The following STC2 variants were observed in gnomAD, a reference collection of about 807,000 sequenced individuals.
The protein encoded by STC2 is stanniocalcin 2, also known as stanniocalcin-2.
A neutral mutation model predicts 22.7 loss-of-function variants in STC2; 7 were observed. The ratio of observed to expected loss-of-function variants is 0.31; its 90% CI spans 0.18 to 0.58. The LOEUF is 0.58. STC2 is among the 20% of genes least tolerant of loss of function. The probability of loss-of-function intolerance (pLI) is 0.89; values close to 1 mark genes in which losing one functional copy is unlikely to be tolerated. For missense variants in STC2, 336 were observed against 406.2 expected (o/e 0.83, Z 1.48); for synonymous variants, 158 against 163.4 (o/e 0.97, Z 0.25).
chr5:173,318,739 T>C (rs1303435224), intron 3 of STC2, among the ~76,000 whole-genome samples: 1 of 152,100 alleles, frequency 6.6e-6, no homozygotes, highest in South Asian at 2.1e-4. Flanking sequence ...ACCATGAAGG[T>C]TTAGGACCAC....
chr5:173,323,899 C>G lies in STC2; in HGVS notation c.295-469G>C, dbSNP rs1173738538. 8.5e-6 allele frequency: 1 copy of G among 117,780 alleles called. No individual in the cohort carries two copies. Among genetic ancestry groups the G allele is most frequent in the African/African-American group, 3.2e-5 (1 of 30,796 alleles). The allele number at this position is 117,780 out of a possible 1,614,324, so 7.3% of individuals were successfully genotyped here. A position where few individuals can be genotyped will look rare whatever the true frequency, so the allele number is the denominator to read the frequency against. On this transcript the variant is annotated intron_variant, in intron 2 of 3. Coordinates refer to ENST00000265087, the MANE Select transcript of STC2 (RefSeq NM_003714.3). The surrounding 1 kb of genome is among the most constrained non-coding windows in gnomAD (Gnocchi z 5.4). Reference sequence around the variant, plus strand: ...CCAAATCTCACACGTTTCCTTTTTCCCTTGATTCCAGGGGCGACACCGAGA... The same window carrying G: ...CCAAATCTCACACGTTTCCTTTTTCGCTTGATTCCAGGGGCGACACCGAGA...
rs751515997 is a variant in STC2, at chr5:173,323,062, C to A, written c.506+157G>T. 7.7e-5 allele frequency: 52 copies of A among 679,210 alleles called. No homozygotes were observed. The highest frequency in any genetic ancestry group is 1.4e-4 in the Admixed American group (5 of 36,564). 42.1% of individuals were successfully genotyped at this position (679,210 alleles called of 1,614,324 possible). A position where few individuals can be genotyped will look rare whatever the true frequency, so the allele number is the denominator to read the frequency against. ...TCCTAAAAGCCAGCAGGAAAGGGGCCTTTTAGTAGAGTCAGTGTAGCTTTC... is the reference window on the plus strand; with the variant it reads ...TCCTAAAAGCCAGCAGGAAAGGGGCATTTTAGTAGAGTCAGTGTAGCTTTC... On this transcript the variant is annotated intron_variant, in intron 3 of 3. Transcript: ENST00000265087. The surrounding 1 kb of genome is among the most constrained non-coding windows in gnomAD (Gnocchi z 5.4).
intron 1 of STC2, among the ~76,000 whole-genome samples, chr5:173,327,724 C>T (rs1762567944): frequency 6.6e-6 from 1 of 152,222 alleles, no homozygotes; most frequent in East Asian, 1.9e-4. Flanking sequence ...CGCTTTGCAC[C>T]GGACCCGGGA....
At chr5:173,322,915 G>C in intron 3 of STC2, 1 of 409,344 alleles carries the variant, frequency 2.4e-6, no homozygotes, top group Non-Finnish European at 4.6e-6. Flanking sequence ...CTGAGAGCTA[G>C]TGGGTTCTTG....
chr5:173,323,224 C>T lies in STC2; in HGVS notation c.501G>A (p.Leu167=). The part of the protein sequence containing the change: ...VEMIHFKDLL[L]HEPYVDLVNL... ...CTCTGCGGGGCAGTACTCACTCGTG[C>T]AGCAGCAAGTCCTTGAAATGGATCA... The change falls in exon 3 of 4, where the codon CTG becomes CTA. Residue 167 remains leucine, a synonymous_variant. Coordinates refer to ENST00000265087, the MANE Select transcript of STC2 (RefSeq NM_003714.3). This position sits in a 1 kb window ranked among gnomAD's most constrained non-coding sequence, Gnocchi z 5.4. 2 of 1,614,190 alleles carry T rather than the reference C, an allele frequency of 1.2e-6. No individual in the cohort carries two copies. The highest frequency in any genetic ancestry group is 1.7e-6 in the Non-Finnish European group (2 of 1,180,038).
intron 3 of STC2, among the ~76,000 whole-genome samples, chr5:173,320,723 T>G (rs1345969869): frequency 7.2e-6 from 1 of 138,070 alleles, no homozygotes; most frequent in Non-Finnish European, 1.6e-5. Context: ...TGGATGGGGG[T>G]TGGGTTGAAG....
chr5:173,320,981 G>C (rs1338934264), intron 3 of STC2, among the ~76,000 whole-genome samples: 1 of 152,124 alleles, frequency 6.6e-6, no homozygotes, highest in African/African-American at 2.4e-5. Flanking sequence ...CAGAAGGAAA[G>C]GTAATGGGGG....
At position 173,328,218 on chromosome 5, in the gene STC2, G is replaced by A. The variant is rs367684710; in HGVS notation, c.-25C>T. On this transcript the variant is annotated 5_prime_UTR_variant, in exon 1 of 4. Coordinates refer to ENST00000265087, the MANE Select transcript of STC2 (RefSeq NM_003714.3). ...TGGTTCTTGGTATTAACCTCCCGTCGGGAGACCTGGATCCTTTGTGCTCCC... is the reference window on the plus strand; with the variant it reads ...TGGTTCTTGGTATTAACCTCCCGTCAGGAGACCTGGATCCTTTGTGCTCCC... The A allele has an allele frequency of 2.1e-6, 3 of 1,435,312 alleles. No individual in the cohort carries two copies. The highest frequency in any genetic ancestry group is 1.9e-4 in the Middle Eastern group (1 of 5,402). 88.9% of individuals were successfully genotyped at this position (1,435,312 alleles called of 1,614,324 possible). A position where few individuals can be genotyped will look rare whatever the true frequency, so the allele number is the denominator to read the frequency against.
rs1255590487 is a variant in STC2 at position 173,315,179 on chromosome 5, G to A, written c.*2668C>T. ...TCCTTCCTCAAAGGAAGGCTCATGA[G>A]TAAATTTGTATGCAGTATAAAGCCC... On this transcript the variant is annotated 3_prime_UTR_variant, in exon 4 of 4. Coordinates refer to ENST00000265087, the MANE Select transcript of STC2 (RefSeq NM_003714.3). 6.6e-6 allele frequency: 1 copy of A among 152,198 alleles called. No homozygotes were observed. Among genetic ancestry groups the A allele is most frequent in the Non-Finnish European group, 1.5e-5 (1 of 68,038 alleles). 9.4% of individuals were successfully genotyped at this position (152,198 alleles called of 1,614,324 possible).
Position 173,325,888 on chromosome 5 carries a change from C to T in STC2, c.274G>A (p.Ala92Thr), listed in dbSNP as rs1391631792. Residue 92 changes from alanine (A) to threonine (T), a missense_variant, in exon 2 of 4, where the codon GCT (alanine) becomes ACT (threonine). Ala to Thr is a moderately conservative substitution (Grantham distance 58). This residue lies in a region of STC2 where 99 missense variants were observed against 122.7 expected (regional missense o/e 0.81). Transcript: ENST00000265087. The surrounding 1 kb of genome is among the most constrained non-coding windows in gnomAD (Gnocchi z 4.7). ...TTTACCTGGGCATCAAATTTTCCAG[C>T]GTTGTGCAGAAAAGTCATGCAAATC... ...HGICMTFLHNAGKFDAQGKSF... is the reference protein window; with the variant it reads ...HGICMTFLHNTGKFDAQGKSF... The T allele has an allele frequency of 2.5e-6, 4 of 1,614,050 alleles. No homozygotes were observed. Among genetic ancestry groups the T allele is most frequent in the Admixed American group, 1.7e-5 (1 of 60,002 alleles).
At chr5:173,319,470 T>C (rs1762462275) in intron 3 of STC2, among the ~76,000 whole-genome samples, 1 of 152,198 alleles carries the variant, frequency 6.6e-6, no homozygotes, top group Admixed American at 6.5e-5. Context: ...CCATGGAATG[T>C]GAGGTCATTC....
In STC2 at chr5:173,315,532, CG is replaced by C. The variant is rs1561641763; in HGVS notation, c.*2314del. On this transcript the variant is annotated 3_prime_UTR_variant, in exon 4 of 4. Coordinates refer to ENST00000265087, the MANE Select transcript of STC2 (RefSeq NM_003714.3). ...TGACAAATATTTACAATAGAAGCAA[CG>C]AATGGGATCAGTAGGCGAACACATA... The C allele has an allele frequency of 3.3e-5, 5 of 152,258 alleles. No individual in the cohort carries two copies. Among genetic ancestry groups the C allele is most frequent in the Admixed American group, 2.0e-4 (3 of 15,296 alleles). 9.4% of individuals were successfully genotyped at this position (152,258 alleles called of 1,614,324 possible). A position where few individuals can be genotyped will look rare whatever the true frequency, so the allele number is the denominator to read the frequency against.
intron 3 of STC2, among the ~76,000 whole-genome samples, chr5:173,320,271 G>GC (rs1762468515): frequency 6.6e-6 from 1 of 152,194 alleles, no homozygotes; most frequent in African/African-American, 2.4e-5. Flanking sequence ...TGCCAGATGA[G>GC]CCCCCAGAAG....
chr5:173,317,543 C>A lies in STC2; in HGVS notation c.*304G>T. On this transcript the variant is annotated 3_prime_UTR_variant, in exon 4 of 4. Coordinates refer to ENST00000265087, the MANE Select transcript of STC2 (RefSeq NM_003714.3). ...GCCCCTCCCTGGTTCACCTCCCCCA[C>A]AACAGAGCGGCCGACACCCACTGAC... 4.7e-6 allele frequency: 1 copy of A among 211,018 alleles called. No individual in the cohort carries two copies. The highest frequency in any genetic ancestry group is 9.4e-6 in the Non-Finnish European group (1 of 106,090). The allele number at this position is 211,018 out of a possible 1,614,324, so 13.1% of individuals were successfully genotyped here. A position where few individuals can be genotyped will look rare whatever the true frequency, so the allele number is the denominator to read the frequency against.
At position 173,318,233 on chromosome 5, in the gene STC2, C is replaced by A; in HGVS notation, c.523G>T (p.Val175Leu). 6.7e-7 allele frequency: 1 copy of A among 1,485,506 alleles called. No homozygotes were observed. The highest frequency in any genetic ancestry group is 2.3e-5 in the Admixed American group (1 of 44,222). The allele number at this position is 1,485,506 out of a possible 1,614,324, so 92.0% of individuals were successfully genotyped here. The change falls in exon 4 of 4, where the codon GTG becomes TTG. Residue 175 changes from valine to leucine, a missense_variant. This residue lies in a region of STC2 where 215 missense variants were observed against 231.5 expected (regional missense o/e 0.93). Coordinates refer to ENST00000265087, the MANE Select transcript of STC2 (RefSeq NM_003714.3). ...LLLHEPYVDL[V>L]NLLLTCGEEV... is the part of the protein sequence containing the mutation. ...TCCCCACAGGTCAGCAGCAAGTTCA[C>A]GAGGTCCACGTAGGGTCTAAAGATT...
chr5:173,322,918 G>C (rs142553096), intron 3 of STC2: 4 of 412,740 alleles, frequency 9.7e-6, no homozygotes, highest in Non-Finnish European at 1.8e-5. Flanking sequence ...AGAGCTAGTG[G>C]GTTCTTGGCT....
chr5:173,314,834 C>G lies in STC2; in HGVS notation c.*3013G>C, dbSNP rs896584745. On this transcript the variant is annotated 3_prime_UTR_variant, in exon 4 of 4. Coordinates refer to ENST00000265087, the MANE Select transcript of STC2 (RefSeq NM_003714.3). The surrounding 1 kb of genome is among the most constrained non-coding windows in gnomAD (Gnocchi z 4.6). ...GAAACAGATATTATCACTTAGCAAG[C>G]TCACGTGGTGCCAATTCTGAGATCA... 6.6e-6 allele frequency: 1 copy of G among 152,224 alleles called. No homozygotes were observed. The highest frequency in any genetic ancestry group is 1.5e-5 in the Non-Finnish European group (1 of 68,034). The allele number at this position is 152,224 out of a possible 1,614,324, so 9.4% of individuals were successfully genotyped here. A position where few individuals can be genotyped will look rare whatever the true frequency, so the allele number is the denominator to read the frequency against.
Position 173,318,146 on chromosome 5 carries a change from G to T in STC2, c.610C>A (p.Leu204Met), listed in dbSNP as rs886378430. The change falls in exon 4 of 4, where the codon CTG becomes ATG. Residue 204 changes from leucine (L) to methionine (M), a missense_variant. Leu to Met is a conservative substitution (Grantham distance 15). Transcript: ENST00000265087. ...GTGCAGAAGCTCAAGATGGAGCACA[G>T]GCTTCCCCAGTTCTGCTCACACTGA... ...QVQCEQNWGS[L>M]CSILSFCTSA... 2 of 1,609,168 alleles carry T rather than the reference G, an allele frequency of 1.2e-6. No individual in the cohort carries two copies. The highest frequency in any genetic ancestry group is 1.7e-6 in the Non-Finnish European group (2 of 1,178,102).
At chr5:173,320,437 T>G (rs935034666) in intron 3 of STC2, among the ~76,000 whole-genome samples, 15 of 152,198 alleles carry the variant, frequency 9.9e-5, no homozygotes, top group African/African-American at 3.4e-4. Context: ...GCCTGGTGCC[T>G]TCTGAGGCTG....
Sources: allele counts gnomAD v4.1 joint callset (sites outside exome capture counted in the v4.1 genomes callset), GRCh38; gene constraint gnomAD v4.1.1; regional missense constraint gnomAD v4.1.1; non-coding constraint Gnocchi (gnomAD v3.1); transcripts MANE v1.5; gene names NCBI Gene and HGNC (gene_info 2026-07-23, HGNC 2026-07-21).